CPNE2: variants seen among roughly 807,000 people sequenced by gnomAD.
CPNE2 encodes copine 2, also known as copine-2.
A neutral mutation model predicts 69.7 loss-of-function variants in CPNE2; 42 were observed. The observed-to-expected ratio is 0.60, with a 90% CI of 0.47 to 0.78. The LOEUF is 0.78. CPNE2 is among the 30% of genes least tolerant of loss of function. The pLI is 0.00. For synonymous variants in CPNE2, 294 were observed against 289.8 expected, an observed-to-expected ratio of 1.01 and a Z score of -0.15; for missense variants, 587 against 732.0, an observed-to-expected ratio of 0.80 and a Z score of 2.29.
intron 14 of CPNE2, among the ~76,000 whole-genome samples, chr16:57,137,934 C>G (rs1404530499): frequency 6.6e-6 from 1 of 152,204 alleles, no homozygotes; most frequent in Non-Finnish European, 1.5e-5. Flanking sequence ...ATGACCTGCC[C>G]TTGCCTCTCT....
At position 57,092,761 on chromosome 16, in the gene CPNE2, G is replaced by A. The variant is rs1396431894; in HGVS notation, c.-65G>A. ...GAGCGCGGGCAGCGGCAGCCGTGCG[G>A]TGAGGGCGGTGGCGCCCGCGGGACC... On this transcript the variant is annotated 5_prime_UTR_variant, in exon 1 of 16. The change creates a new upstream start codon in the 5' untranslated region. Coordinates refer to ENST00000290776, the MANE Select transcript of CPNE2 (RefSeq NM_152727.6). The surrounding 1 kb of genome is among the most constrained non-coding windows in gnomAD (Gnocchi z 5.3). The A allele has an allele frequency of 6.6e-6, 1 of 151,382 alleles. No homozygotes were observed. The highest frequency in any genetic ancestry group is 1.5e-5 in the Non-Finnish European group (1 of 67,852). The allele number at this position is 151,382 out of a possible 1,614,324, so 9.4% of individuals were successfully genotyped here. A position where few individuals can be genotyped will look rare whatever the true frequency, so the allele number is the denominator to read the frequency against.
chr16:57,104,459 C>T (rs137856476), intron 1 of CPNE2, among the ~76,000 whole-genome samples: 3 of 152,346 alleles, frequency 2.0e-5, no homozygotes, highest in African/African-American at 4.8e-5. Flanking sequence ...GCTGGCCTCT[C>T]AGACCCTAGG....
intron 14 of CPNE2, among the ~76,000 whole-genome samples, chr16:57,145,137 A>G (rs1224796800): frequency 2.0e-5 from 3 of 152,236 alleles, no homozygotes; most frequent in Non-Finnish European, 2.9e-5. Flanking sequence ...TGTAAATGAA[A>G]AAAAGCAGTA....
chr16:57,102,960 CA>C (rs2069624501), intron 1 of CPNE2, among the ~76,000 whole-genome samples: 1 of 152,066 alleles, frequency 6.6e-6, no homozygotes, highest in Non-Finnish European at 1.5e-5. Flanking sequence ...ACACATCCCC[CA>C]AATTTTTTAT....
intron 1 of CPNE2, among the ~76,000 whole-genome samples, chr16:57,099,801 C>T (rs1456920009): frequency 2.4e-5 from 3 of 123,604 alleles, no homozygotes; most frequent in South Asian, 2.7e-4. Flanking sequence ...TTTTTTGAGA[C>T]GGAGTTTTGC....
chr16:57,114,934 C>CCAAAAAAAA lies in CPNE2; in HGVS notation c.361-542_361-541insCAAAAAAAA, dbSNP rs1555546226. Among the ~76,000 whole-genome samples, 2 of 39,042 alleles carry CCAAAAAAAA rather than the reference C, an allele frequency of 5.1e-5. 1 individual carries two copies. 25.6% of individuals were successfully genotyped at this position (39,042 alleles called of 152,430 possible). A position where few individuals can be genotyped will look rare whatever the true frequency, so the allele number is the denominator to read the frequency against. On this transcript the variant is annotated intron_variant, in intron 3 of 15. Transcript: ENST00000290776. Reference sequence around the variant, plus strand: ...CAACATAATGAGCCCTTGTCTCTACCAAAAAAAAAAAAAAAAAAAAAAAAA... The same window carrying CCAAAAAAAA: ...CAACATAATGAGCCCTTGTCTCTACCCAAAAAAAAAAAAAAAAAAAAAAAAAAAAAAAAA...
At chr16:57,122,733 C>T (rs1567669578) in intron 9 of CPNE2, among the ~76,000 whole-genome samples, 3 of 152,144 alleles carry the variant, frequency 2.0e-5, no homozygotes, top group African/African-American at 7.2e-5. Flanking sequence ...GCTGGGATTA[C>T]AGGTGCATGC....
chr16:57,103,306 A>G (rs2069627160), intron 1 of CPNE2, among the ~76,000 whole-genome samples: 1 of 151,608 alleles, frequency 6.6e-6, no homozygotes, highest in Non-Finnish European at 1.5e-5. Flanking sequence ...TTATTTTTGT[A>G]GAGACAGGAT....
At chr16:57,109,657 G>T (rs2069668419) in intron 1 of CPNE2, among the ~76,000 whole-genome samples, 1 of 152,154 alleles carries the variant, frequency 6.6e-6, no homozygotes, top group African/African-American at 2.4e-5. Context: ...TGTTGCCATG[G>T]CATTTGTAAA....
Position 57,121,075 on chromosome 16 carries a change from G to A in CPNE2, c.682-18G>A, listed in dbSNP as rs112601091. 7.1e-5 allele frequency: 113 copies of A among 1,602,546 alleles called. No individual in the cohort carries two copies. The highest frequency in any genetic ancestry group is 1.7e-4 in the African/African-American group (13 of 74,682). Reference sequence around the variant, plus strand: ...CTTGGGGGACAGCTCTGGGGTGACCGTGCTGAACCCACCCCAGGTCATGTG... The same window carrying A: ...CTTGGGGGACAGCTCTGGGGTGACCATGCTGAACCCACCCCAGGTCATGTG... On this transcript the variant is annotated intron_variant, in intron 7 of 15. Transcript: ENST00000290776.
intron 14 of CPNE2, chr16:57,140,926 T>C (rs2069917840): frequency 6.9e-6 from 1 of 145,770 alleles, no homozygotes; most frequent in African/African-American, 2.6e-5. Flanking sequence ...TAGAACTGGC[T>C]AGAGAGGGCA....
In CPNE2 at chr16:57,125,735, AT is replaced by A. The variant is rs1274493146; in HGVS notation, c.928-123del. On this transcript the variant is annotated intron_variant, in intron 10 of 15. Coordinates refer to ENST00000290776, the MANE Select transcript of CPNE2 (RefSeq NM_152727.6). The stretch of plus-strand genomic sequence containing the variant: ...GCATTTCTAGGTTTCAGACCATCTT[AT>A]TGTGGGGAGGGCTGGGAGATGAGTG... 5.9e-6 allele frequency: 7 copies of A among 1,193,570 alleles called. No homozygotes were observed. The African/African-American group carries it at 1.1e-4, about 18-fold the overall frequency. 73.9% of individuals were successfully genotyped at this position (1,193,570 alleles called of 1,614,324 possible). A position where few individuals can be genotyped will look rare whatever the true frequency, so the allele number is the denominator to read the frequency against.
chr16:57,118,332 ATT>A (rs61283121), intron 5 of CPNE2, among the ~76,000 whole-genome samples: 6 of 136,596 alleles, frequency 4.4e-5, no homozygotes, highest in East Asian at 4.2e-4. Context: ...CGCCCAGCTA[ATT>A]TTTTTTTTTT....
chr16:57,117,213 G>A (rs1279747146), intron 4 of CPNE2, among the ~76,000 whole-genome samples: 1 of 152,086 alleles, frequency 6.6e-6, no homozygotes, highest in African/African-American at 2.4e-5. Flanking sequence ...GACCACCCCC[G>A]GTGTCTGGTC....
rs370796469 is a variant in CPNE2, at chr16:57,110,166, CT to C, written c.-35-540del. On this transcript the variant is annotated intron_variant, in intron 1 of 15. Transcript: ENST00000290776. ...GAAGACTGACCACAGCAGAGAAAAA[CT>C]TCAAAGACAAATTTAACACAGCTAC... Among the ~76,000 whole-genome samples, 55 of 152,024 alleles carry C rather than the reference CT, an allele frequency of 3.6e-4. 1 individual carries two copies. In the East Asian group the frequency reaches 9.5e-3, roughly 26 times the overall value.
At chr16:57,142,574 T>G (rs2069930535) in intron 14 of CPNE2, 1 of 152,324 alleles carries the variant, frequency 6.6e-6, no homozygotes, top group South Asian at 2.1e-4. Context: ...TATGCAGGTT[T>G]GAGTGAGCCT....
At chr16:57,134,667 G>A (rs749788466) in intron 12 of CPNE2, 108 bp from the exon 13 acceptor site, 6 of 1,163,984 alleles carry the variant, frequency 5.2e-6, no homozygotes, top group Non-Finnish European at 6.4e-6. Context: ...AGGGGTGGGG[G>A]TTATGAGCCG....
Position 57,146,431 on chromosome 16 carries a change from A to G in CPNE2, c.1539+110A>G. The G allele has an allele frequency of 1.1e-6, 1 of 918,478 alleles. No individual in the cohort carries two copies. The highest frequency in any genetic ancestry group is 1.7e-5 in the South Asian group (1 of 58,780). 56.9% of individuals were successfully genotyped at this position (918,478 alleles called of 1,614,324 possible). On this transcript the variant is annotated intron_variant, in intron 15 of 15. Transcript: ENST00000290776. The surrounding 1 kb of genome is among the most constrained non-coding windows in gnomAD (Gnocchi z 4.4). The stretch of plus-strand genomic sequence containing the variant: ...GTCTGGCCCAATCCTAGACTTCTCC[A>G]CTCCATTGACTATGCTCTTCTGAGG...
intron 10 of CPNE2, 161 bp from the exon 11 acceptor site, chr16:57,125,699 A>G (rs1272623445): frequency 7.3e-6 from 6 of 823,040 alleles, no homozygotes; most frequent in Non-Finnish European, 7.4e-6. Flanking sequence ...CAGAGGAGTG[A>G]TACAATCAGA....
Sources: gnomAD v4.1 joint callset for allele counts (sites outside exome capture counted in the v4.1 genomes callset) on GRCh38, gnomAD v4.1.1 for gene constraint, Gnocchi (gnomAD v3.1) non-coding constraint, MANE v1.5 for transcripts, NCBI Gene and HGNC (gene_info 2026-07-23, HGNC 2026-07-21) for gene names.